The following LSAMP variants were observed in gnomAD, a reference collection of about 807,000 sequenced individuals.
LSAMP encodes the protein limbic system associated membrane protein, also known as limbic system-associated membrane protein.
In LSAMP, 7 loss-of-function variants were observed where a neutral mutation model predicts 38.6. The ratio of observed to expected loss-of-function variants is 0.18; its 90% CI spans 0.10 to 0.34. The LOEUF is 0.34. Among genes scored for constraint, LSAMP ranks in the 10% least tolerant of loss-of-function variants. LSAMP has a pLI of 1.00. For synonymous variants in LSAMP, 154 were observed against 166.8 expected (o/e 0.92, Z 0.59); for missense variants, 313 against 420.0 (o/e 0.75, Z 2.23).
intron 3 of LSAMP, among the ~76,000 whole-genome samples, chr3:115,861,522 C>CA (rs1553741877): frequency 3.3e-5 from 5 of 151,682 alleles, no homozygotes; most frequent in South Asian, 4.2e-4. Flanking sequence ...GTCCCCCTGG[C>CA]GGTAGGAGAA....
chr3:116,067,613 T>C (rs1360667907), intron 2 of LSAMP, among the ~76,000 whole-genome samples: 1 of 152,236 alleles, frequency 6.6e-6, no homozygotes, highest in Non-Finnish European at 1.5e-5. Flanking sequence ...CCATCAATCA[T>C]GGGCCATTTG....
chr3:116,290,833 G>C (rs1044397044), intron 1 of LSAMP, among the ~76,000 whole-genome samples: 3 of 151,272 alleles, frequency 2.0e-5, no homozygotes, highest in Non-Finnish European at 4.4e-5. Context: ...TAATCAATCA[G>C]CCCTATTGTC....
intron 1 of LSAMP, among the ~76,000 whole-genome samples, chr3:116,162,591 AAT>A (rs1477471386): frequency 6.6e-6 from 1 of 151,580 alleles, no homozygotes; most frequent in Non-Finnish European, 1.5e-5. Flanking sequence ...TGTGTGTGTG[AAT>A]ATGTGTATGA....
intron 6 of LSAMP, among the ~76,000 whole-genome samples, chr3:115,826,057 G>A (rs1232760069): frequency 6.6e-6 from 1 of 152,050 alleles, no homozygotes; most frequent in Non-Finnish European, 1.5e-5. Context: ...ACCTTTGCAG[G>A]TAGTGGGTTG....
In LSAMP at chr3:115,939,811, C is replaced by T. The variant is rs563907373; in HGVS notation, c.514+79704G>A. On this transcript the variant is annotated intron_variant, in intron 3 of 6. Transcript: ENST00000490035. Reference sequence around the variant, plus strand: ...CTGGGCTCAAACGATCATCCTGCTCCTCCTCTCAAAGCACTGGGATTACAG... The same window carrying T: ...CTGGGCTCAAACGATCATCCTGCTCTTCCTCTCAAAGCACTGGGATTACAG... 2.0e-5 allele frequency among the ~76,000 whole-genome samples: 3 copies of T among 152,192 alleles called. 1 individual carries two copies. In the East Asian group the frequency reaches 5.8e-4, roughly 29 times the overall value.
intron 3 of LSAMP, among the ~76,000 whole-genome samples, chr3:115,920,010 G>A (rs1311104659): frequency 7.0e-6 from 1 of 143,362 alleles, no homozygotes; most frequent in African/African-American, 2.7e-5. Context: ...CAACCATCTT[G>A]TAACTTAGAA....
At chr3:116,261,605 G>C (rs2046826837) in intron 1 of LSAMP, among the ~76,000 whole-genome samples, 1 of 151,984 alleles carries the variant, frequency 6.6e-6, no homozygotes, top group East Asian at 1.9e-4. Flanking sequence ...ACAATTTTCT[G>C]ATTAAAAAAC....
intron 1 of LSAMP, among the ~76,000 whole-genome samples, chr3:116,199,180 G>T (rs2045954669): frequency 1.3e-5 from 2 of 150,942 alleles, no homozygotes; most frequent in South Asian, 2.1e-4. Context: ...TTTTTTTTAG[G>T]ATAAAAGCTA....
chr3:116,112,013 T>C (rs999094052), intron 1 of LSAMP, among the ~76,000 whole-genome samples: 2 of 152,226 alleles, frequency 1.3e-5, no homozygotes, highest in African/African-American at 4.8e-5. Context: ...TTCTCCAGCA[T>C]GTAAAGATAA....
At chr3:116,072,683 G>A (rs947469836) in intron 2 of LSAMP, among the ~76,000 whole-genome samples, 4 of 149,568 alleles carry the variant, frequency 2.7e-5, no homozygotes, top group Non-Finnish European at 5.9e-5. Flanking sequence ...TTTGTTGACT[G>A]CATAAATGTT....
intron 6 of LSAMP, among the ~76,000 whole-genome samples, chr3:115,835,512 A>G (rs1478920980): frequency 2.6e-5 from 4 of 152,200 alleles, no homozygotes; most frequent in Non-Finnish European, 2.9e-5. Flanking sequence ...TAACTCCCAA[A>G]TTATATGATA....
intron 6 of LSAMP, among the ~76,000 whole-genome samples, chr3:115,832,335 T>A (rs557045514): frequency 6.6e-6 from 1 of 152,322 alleles, no homozygotes; most frequent in South Asian, 2.1e-4. Context: ...TAGGCCATTT[T>A]ACGTCAACCA....
At chr3:116,245,464 C>T (rs186658056) in intron 1 of LSAMP, among the ~76,000 whole-genome samples, 1 of 152,138 alleles carries the variant, frequency 6.6e-6, no homozygotes, top group African/African-American at 2.4e-5. Context: ...AATTCTTAGA[C>T]AGGAATACAA....
intron 4 of LSAMP, among the ~76,000 whole-genome samples, chr3:115,851,719 C>T (rs1257521927): frequency 6.6e-6 from 1 of 152,208 alleles, no homozygotes; most frequent in Non-Finnish European, 1.5e-5. Flanking sequence ...ACACTAGCCA[C>T]AGCTGTGTGA....
At chr3:116,419,456 T>C (rs1045567509) in intron 1 of LSAMP, among the ~76,000 whole-genome samples, 1 of 152,188 alleles carries the variant, frequency 6.6e-6, no homozygotes, top group African/African-American at 2.4e-5. Flanking sequence ...AATACTGGTT[T>C]CAGAATTGTT....
At chr3:116,122,039 C>T (rs1051827206) in intron 1 of LSAMP, among the ~76,000 whole-genome samples, 1 of 152,100 alleles carries the variant, frequency 6.6e-6, no homozygotes, top group Admixed American at 6.6e-5. Flanking sequence ...TTTCACTATA[C>T]TCTTTTTCTT....
intron 6 of LSAMP, among the ~76,000 whole-genome samples, chr3:115,820,524 C>G (rs891458588): frequency 1.3e-5 from 2 of 152,166 alleles, no homozygotes; most frequent in Admixed American, 1.3e-4. Context: ...AGGCAAGTGC[C>G]TCGAGACATT....
At chr3:116,001,875 C>G (rs189432641) in intron 3 of LSAMP, among the ~76,000 whole-genome samples, 82 of 152,306 alleles carry the variant, frequency 5.4e-4, no homozygotes, top group Admixed American at 2.7e-3. Context: ...AACTTAATTA[C>G]ATCTGCAAAG....
chr3:116,331,626 T>C (rs1045242416), intron 1 of LSAMP, among the ~76,000 whole-genome samples: 1 of 152,088 alleles, frequency 6.6e-6, no homozygotes, highest in Admixed American at 6.6e-5. Context: ...ATCTAAGGAA[T>C]TTCCTTACCC....
Sources: gnomAD v4.1 joint callset for allele counts (sites outside exome capture counted in the v4.1 genomes callset) on GRCh38, gnomAD v4.1.1 for gene constraint, MANE v1.5 for transcripts, NCBI Gene and HGNC (gene_info 2026-07-23, HGNC 2026-07-21) for gene names.